Variants in BIRC6 observed in about 807,000 individuals in gnomAD.
The protein encoded by BIRC6 is dual E2 ubiquitin-conjugating enzyme/E3 ubiquitin-protein ligase BIRC6.
A neutral mutation model predicts 503.3 loss-of-function variants in BIRC6; 98 were observed. The observed-to-expected ratio is 0.19, with a 90% CI of 0.17 to 0.23. BIRC6 has a LOEUF of 0.23. Among genes scored for constraint, BIRC6 ranks in the 10% least tolerant of loss-of-function variants. BIRC6 has a pLI of 1.00. For missense variants in BIRC6, 5,360 were observed against 5,806.0 expected (o/e 0.92, Z 2.50); for synonymous variants, 2,240 against 2,078.7 (o/e 1.08, Z -2.11).
At chr2:32,554,434 C>T (rs1253881656) in intron 65 of BIRC6, among the ~76,000 whole-genome samples, 1 of 152,016 alleles carries the variant, frequency 6.6e-6, no homozygotes, top group East Asian at 1.9e-4. Flanking sequence ...ATTAAACTCA[C>T]TTATTTTCAA....
At chr2:32,552,243 C>G (rs2058476122) in intron 65 of BIRC6, among the ~76,000 whole-genome samples, 1 of 152,098 alleles carries the variant, frequency 6.6e-6, no homozygotes, top group Non-Finnish European at 1.5e-5. Context: ...AATCTTTAAA[C>G]TTTAATGTTT....
At chr2:32,493,517 A>G (rs756395598) in intron 44 of BIRC6, 23 bp from the exon 45 acceptor site, 12 of 1,566,768 alleles carry the variant, frequency 7.7e-6, no homozygotes, top group Non-Finnish European at 1.0e-5. Context: ...AGCAGTTTTC[A>G]GTGAATATAC....
In BIRC6 at chr2:32,468,668, G is replaced by A; in HGVS notation, c.6012G>A (p.Met2004Ile). 2 of 1,614,010 alleles carry A rather than the reference G, an allele frequency of 1.2e-6. No individual in the cohort carries two copies. The highest frequency in any genetic ancestry group is 2.2e-5 in the East Asian group (1 of 44,882). The part of the protein sequence containing the change: ...LKVALGASRK[M>I]LSETSNPEDL... The stretch of plus-strand genomic sequence containing the variant: ...TGGCGCTAGGTGCAAGCCGGAAGAT[G>A]TTGAGTGAAACATCAAATCCAGAAG... The change falls in exon 29 of 74, where the codon ATG (methionine) becomes ATA (isoleucine). Residue 2004 changes from methionine (M) to isoleucine (I), a missense_variant. Physicochemically the swap from Met to Ile is conservative, Grantham distance 10. Transcript: ENST00000421745.
chr2:32,453,714 A>C lies in BIRC6; in HGVS notation c.4619-94A>C, dbSNP rs376876819. Reference sequence around the variant, plus strand: ...TAAGAGTTGTGTATTTATATGTTCTAATTAAAATTGAAGTTGCAGCTATAA... The same window carrying C: ...TAAGAGTTGTGTATTTATATGTTCTCATTAAAATTGAAGTTGCAGCTATAA... On this transcript the variant is annotated intron_variant, in intron 22 of 73. Coordinates refer to ENST00000421745, the MANE Select transcript of BIRC6 (RefSeq NM_016252.4). 5.5e-4 allele frequency: 656 copies of C among 1,187,770 alleles called. 3 individuals are homozygous for C. The highest frequency in any genetic ancestry group is 1.7e-3 in the East Asian group (73 of 42,624). The allele number at this position is 1,187,770 out of a possible 1,614,324, so 73.6% of individuals were successfully genotyped here. A position where few individuals can be genotyped will look rare whatever the true frequency, so the allele number is the denominator to read the frequency against.
chr2:32,545,757 G>T lies in BIRC6; in HGVS notation c.12707G>T (p.Arg4236Leu). 6.2e-7 allele frequency: 1 copy of T among 1,613,806 alleles called. No individual in the cohort carries two copies. The highest frequency in any genetic ancestry group is 8.5e-7 in the Non-Finnish European group (1 of 1,179,806). Residue 4236 changes from arginine (R) to leucine (L), a missense_variant, in exon 63 of 74, where the codon CGG becomes CTG. Physicochemically the swap from Arg to Leu is moderately radical, Grantham distance 102. Transcript: ENST00000421745. ...ACTGATGATGGTGTACTTCTAAGGCGGATGGCATTGGAAATTGGAGCCTTA... is the reference window on the plus strand; with the variant it reads ...ACTGATGATGGTGTACTTCTAAGGCTGATGGCATTGGAAATTGGAGCCTTA... ...LTTDDGVLLR[R>L]MALEIGALHL...
At chr2:32,456,806 C>A (rs1558777091) in intron 23 of BIRC6, among the ~76,000 whole-genome samples, 1 of 152,090 alleles carries the variant, frequency 6.6e-6, no homozygotes. Flanking sequence ...GTTAATGAGG[C>A]CAGTATGTTA....
At chr2:32,532,244 C>G (rs376848732) in intron 61 of BIRC6, 1 of 526,152 alleles carries the variant, frequency 1.9e-6, no homozygotes, top group South Asian at 1.4e-5. Flanking sequence ...CACAAACGGG[C>G]TGGCTTAAAA....
rs2062174678 is a variant in BIRC6, at chr2:32,603,065, G to T, written c.14052G>T (p.Gln4684His). Reference sequence around the variant, plus strand: ...GACCAGAAGAGAAGTGGAATCCTCAGACCTCAAGCTTTTTGCAAGTAAACA... The same window carrying T: ...GACCAGAAGAGAAGTGGAATCCTCATACCTCAAGCTTTTTGCAAGTAAACA... Reference protein sequence around the residue: ...HGRPEEKWNPQTSSFLQVLVS... With the variant: ...HGRPEEKWNPHTSSFLQVLVS... Residue 4684 changes from glutamine to histidine, a missense_variant, in exon 71 of 74, where the codon CAG becomes CAT. Around this residue, in one of 16 missense-constraint regions of BIRC6, gnomAD observed 66 missense variants for 113.2 expected, o/e 0.58. Coordinates refer to ENST00000421745, the MANE Select transcript of BIRC6 (RefSeq NM_016252.4). The T allele has an allele frequency of 6.2e-7, 1 of 1,611,128 alleles. No individual in the cohort carries two copies. The highest frequency in any genetic ancestry group is 1.3e-5 in the African/African-American group (1 of 74,816).
At chr2:32,370,588 A>T (rs191477805) in intron 1 of BIRC6, among the ~76,000 whole-genome samples, 10 of 152,294 alleles carry the variant, frequency 6.6e-5, no homozygotes, top group African/African-American at 2.4e-4. Flanking sequence ...GGCTTTTAAT[A>T]CTATAGTGTT....
chr2:32,561,547 A>T (rs1409546779), intron 65 of BIRC6, among the ~76,000 whole-genome samples: 2 of 151,818 alleles, frequency 1.3e-5, no homozygotes, highest in Admixed American at 1.3e-4. Context: ...CTCATGAGTG[A>T]TATACTTTCT....
At chr2:32,399,934 C>T (rs2040416784) in intron 6 of BIRC6, among the ~76,000 whole-genome samples, 1 of 151,952 alleles carries the variant, frequency 6.6e-6, no homozygotes, top group Non-Finnish European at 1.5e-5. Context: ...AATACAGGCA[C>T]ATGCTACCAC....
At chr2:32,541,146 A>G (rs2057631620) in intron 61 of BIRC6, among the ~76,000 whole-genome samples, 1 of 152,080 alleles carries the variant, frequency 6.6e-6, no homozygotes, top group Admixed American at 6.5e-5. Context: ...CTGCTTCTGT[A>G]ACAATGTTCT....
intron 34 of BIRC6, 140 bp downstream of exon 34, chr2:32,476,484 A>G: frequency 1.3e-6 from 1 of 744,308 alleles, no homozygotes; most frequent in Non-Finnish European, 2.1e-6. Flanking sequence ...TTGGTGGGGT[A>G]GTTTAACTGA....
chr2:32,506,520 A>C (rs2053810815), intron 50 of BIRC6, among the ~76,000 whole-genome samples: 1 of 152,256 alleles, frequency 6.6e-6, no homozygotes, highest in African/African-American at 2.4e-5. Flanking sequence ...CTACCTCTAA[A>C]ATTGGAAAGA....
chr2:32,508,213 G>A lies in BIRC6; in HGVS notation c.9934G>A (p.Val3312Ile). Residue 3312 changes from valine to isoleucine, a missense_variant, in exon 51 of 74, where the codon GTT becomes ATT. Val to Ile is a conservative substitution (Grantham distance 29). Around this residue, in one of 16 missense-constraint regions of BIRC6, gnomAD observed 62 missense variants for 107.4 expected, o/e 0.58. Coordinates refer to ENST00000421745, the MANE Select transcript of BIRC6 (RefSeq NM_016252.4). ...TAFGTTSSAT[V>I]NNPFLPSEDQ... ...TTTTGGTACCACCTCTTCTGCAACA[G>A]TTAATAATCCATTCCTTCCATCTGA... The A allele has an allele frequency of 6.7e-7, 1 of 1,486,570 alleles. No homozygotes were observed. The highest frequency in any genetic ancestry group is 9.1e-7 in the Non-Finnish European group (1 of 1,103,044). 92.1% of individuals were successfully genotyped at this position (1,486,570 alleles called of 1,614,324 possible).
chr2:32,481,280 G>C, intron 37 of BIRC6, 40 bp from the exon 38 acceptor site: 1 of 1,462,726 alleles, frequency 6.8e-7, no homozygotes, highest in Admixed American at 2.3e-5. Flanking sequence ...AATTTTATGT[G>C]ATACACTCCA....
rs749316938 is a variant in BIRC6 at position 32,388,795 on chromosome 2, A to G, written c.691A>G (p.Ile231Val). The G allele has an allele frequency of 8.1e-6, 13 of 1,611,852 alleles. No homozygotes were observed. Among genetic ancestry groups the G allele is most frequent in the Admixed American group, 6.7e-5 (4 of 59,378 alleles). ...TCTTCCTCATCATGTGTTGAAGTCC[A>G]TTGCCAGTGCCATTGTAAATGAACT... The part of the protein sequence containing the change: ...FHLPHHVLKS[I>V]ASAIVNELKK... Residue 231 changes from isoleucine to valine, a missense_variant, in exon 4 of 74, where the codon ATT (isoleucine) becomes GTT (valine). Transcript: ENST00000421745.
chr2:32,523,879 C>T (rs2056002164), intron 57 of BIRC6, among the ~76,000 whole-genome samples: 1 of 151,916 alleles, frequency 6.6e-6, no homozygotes, highest in African/African-American at 2.4e-5. Flanking sequence ...CATGGCGAAA[C>T]CTCGTCTCTC....
intron 61 of BIRC6, among the ~76,000 whole-genome samples, chr2:32,540,868 A>G (rs1208534569): frequency 6.6e-6 from 1 of 152,054 alleles, no homozygotes; most frequent in Admixed American, 6.5e-5. Flanking sequence ...CTATAATGAA[A>G]AAAGTTGTGA....
Sources: gnomAD v4.1 joint callset for allele counts (sites outside exome capture counted in the v4.1 genomes callset) on GRCh38, gnomAD v4.1.1 for gene constraint, gnomAD v4.1.1 regional missense constraint, MANE v1.5 for transcripts, NCBI Gene and HGNC (gene_info 2026-07-23, HGNC 2026-07-21) for gene names.